Variants in CCKAR observed in about 807,000 individuals in gnomAD.
CCKAR encodes the protein cholecystokinin A receptor.
Under a neutral mutation model 29.8 loss-of-function variants are expected in CCKAR, and 21 were observed. That is an observed-to-expected ratio of 0.70 (90% confidence interval 0.50 to 1.01). CCKAR has a LOEUF of 1.01. Among genes scored for constraint, CCKAR ranks in the 50% least tolerant of loss-of-function variants. The pLI is 0.00. For synonymous variants in CCKAR, 238 were observed against 221.3 expected (o/e 1.08, Z -0.67); for missense variants, 570 against 560.6 (o/e 1.02, Z -0.17).
chr4:26,485,726 A>G lies in CCKAR; in HGVS notation c.537T>C (p.Tyr179=). The change falls in exon 3 of 5, where the codon TAT becomes TAC. Residue 179 remains tyrosine (Y), a synonymous_variant. Transcript: ENST00000295589. ...SFTIMTPYPI[Y]SNLVPFTKNN... is the part of the protein sequence containing the mutation. ...TTTTGGTAAAAGGCACCAAGTTGCT[A>G]TAAATGGGGTACGGAGTCATGATGG... is the stretch of plus-strand genomic sequence containing the variant. 6.2e-7 allele frequency: 1 copy of G among 1,614,200 alleles called. No homozygotes were observed. Among genetic ancestry groups the G allele is most frequent in the Non-Finnish European group, 8.5e-7 (1 of 1,180,022 alleles).
chr4:26,485,333 T>C (rs1737428082), intron 3 of CCKAR, among the ~76,000 whole-genome samples: 1 of 152,208 alleles, frequency 6.6e-6, no homozygotes, highest in African/African-American at 2.4e-5. Context: ...AGTTTGTGAA[T>C]TGGGAAACTT....
Position 26,490,146 on chromosome 4 carries a change from C to A in CCKAR, c.112+10G>T. ...TTTCCTGAATTAAAATAACAGCTTC[C>A]GACACTTACCTTTGGAAGGACGGGG... On this transcript the variant is annotated intron_variant, in intron 1 of 4. Coordinates refer to ENST00000295589, the MANE Select transcript of CCKAR (RefSeq NM_000730.3). The A allele has an allele frequency of 3.2e-6, 5 of 1,583,380 alleles. No individual in the cohort carries two copies. The highest frequency in any genetic ancestry group is 4.3e-6 in the Non-Finnish European group (5 of 1,152,872).
At chr4:26,485,052 G>T (rs1463135910) in intron 3 of CCKAR, among the ~76,000 whole-genome samples, 1 of 151,412 alleles carries the variant, frequency 6.6e-6, no homozygotes, top group Non-Finnish European at 1.5e-5. Flanking sequence ...AAATTAGCCG[G>T]GCATGGTGGT....
At position 26,481,940 on chromosome 4, in the gene CCKAR, TG is replaced by T. The variant is rs1436300604; in HGVS notation, c.984del (p.Ile329SerfsTer45). ...IVVLFFLCWM[P>X]IFSANAWRAY... is the part of the protein sequence containing the mutation. ...GCCCGCCAGGCGTTGGCGCTGAAGA[TG>T]GGCATCCAGCACAGGAAGAAGAGGA... is the stretch of plus-strand genomic sequence containing the variant. On this transcript the variant is annotated frameshift_variant, in exon 5 of 5. Coordinates refer to ENST00000295589, the MANE Select transcript of CCKAR (RefSeq NM_000730.3). LOFTEE classifies it high-confidence loss of function. 6.2e-7 allele frequency: 1 copy of T among 1,614,218 alleles called. No individual in the cohort carries two copies. Among genetic ancestry groups the T allele is most frequent in the Non-Finnish European group, 8.5e-7 (1 of 1,180,030 alleles).
chr4:26,489,151 G>A (rs949307306), intron 2 of CCKAR, 82 bp downstream of exon 2: 7 of 1,558,654 alleles, frequency 4.5e-6, no homozygotes, highest in Non-Finnish European at 4.4e-6. Flanking sequence ...CTCCTTTGCT[G>A]TGATTGTCAG....
At position 26,481,753 on chromosome 4, in the gene CCKAR, G is replaced by C; in HGVS notation, c.1172C>G (p.Pro391Arg). 1 of 1,614,178 alleles carries C rather than the reference G, an allele frequency of 6.2e-7. No homozygotes were observed. The highest frequency in any genetic ancestry group is 8.5e-7 in the Non-Finnish European group (1 of 1,180,018). ...CTCTCCCCTCGCCCCTGGGGGACCAGGATTGGGGCAGCAGGGGAAGGTGGC... is the reference window on the plus strand; with the variant it reads ...CTCTCCCCTCGCCCCTGGGGGACCACGATTGGGGCAGCAGGGGAAGGTGGC... Reference protein sequence around the residue: ...FMATFPCCPNPGPPGARGEVG... With the variant: ...FMATFPCCPNRGPPGARGEVG... Residue 391 changes from proline (P) to arginine (R), a missense_variant, in exon 5 of 5, where the codon CCT becomes CGT. Transcript: ENST00000295589.
At chr4:26,485,429 T>G (rs1737430318) in intron 3 of CCKAR, among the ~76,000 whole-genome samples, 1 of 152,114 alleles carries the variant, frequency 6.6e-6, no homozygotes, top group Non-Finnish European at 1.5e-5. Context: ...GAGGATTGAT[T>G]GAATGAATAT....
intron 3 of CCKAR, among the ~76,000 whole-genome samples, chr4:26,484,952 G>C (rs1398641791): frequency 6.6e-6 from 1 of 151,790 alleles, no homozygotes; most frequent in Non-Finnish European, 1.5e-5. Flanking sequence ...AGTACTTTGG[G>C]AGGTCGAGGC....
chr4:26,487,748 G>A (rs1459295366), intron 2 of CCKAR, among the ~76,000 whole-genome samples: 2 of 152,094 alleles, frequency 1.3e-5, no homozygotes, highest in African/African-American at 2.4e-5. Context: ...CACTCACAAT[G>A]TTTTGCCACC....
intron 3 of CCKAR, among the ~76,000 whole-genome samples, chr4:26,485,210 G>T (rs200682996): frequency 1.2e-4 from 17 of 145,308 alleles, no homozygotes; most frequent in Non-Finnish European, 2.4e-4. Flanking sequence ...AAAAAAAAAA[G>T]AAAGAAAAAG....
Position 26,490,348 on chromosome 4 carries a change from T to C in CCKAR, c.-81A>G, listed in dbSNP as rs1331171640. The C allele has an allele frequency of 1.1e-6, 1 of 938,318 alleles. No homozygotes were observed. The highest frequency in any genetic ancestry group is 1.7e-6 in the Non-Finnish European group (1 of 580,920). The allele number at this position is 938,318 out of a possible 1,614,324, so 58.1% of individuals were successfully genotyped here. On this transcript the variant is annotated 5_prime_UTR_variant, in exon 1 of 5. Coordinates refer to ENST00000295589, the MANE Select transcript of CCKAR (RefSeq NM_000730.3). ...GCTCATTCCTCTAATGACCGAAGCG[T>C]CTCGCAGATGCAACCTGCCGTGGAG... is the stretch of plus-strand genomic sequence containing the variant.
At position 26,484,297 on chromosome 4, in the gene CCKAR, C is replaced by T. The variant is rs528741899; in HGVS notation, c.627-1014G>A. 1.4e-4 allele frequency among the ~76,000 whole-genome samples: 21 copies of T among 152,188 alleles called. No individual in the cohort carries two copies. In the East Asian group the frequency reaches 2.3e-3, roughly 17 times the overall value. On this transcript the variant is annotated intron_variant, in intron 3 of 4. Coordinates refer to ENST00000295589, the MANE Select transcript of CCKAR (RefSeq NM_000730.3). ...TTGGAAATATTCCTCTCATTTGCAA[C>T]GTAATTCCTTTGTGTGTGTGCTACT...
rs760416351 is a variant in CCKAR at position 26,481,589 on chromosome 4, C to G, written c.*49G>C. The G allele has an allele frequency of 2.5e-6, 4 of 1,595,926 alleles. No homozygotes were observed. The highest frequency in any genetic ancestry group is 3.4e-6 in the Non-Finnish European group (4 of 1,164,458). ...CTGATCTCTTCTTCCGTTCTTTCTTCTCTGCCTCCTCCCTGCCTTCCTTCT... is the reference window on the plus strand; with the variant it reads ...CTGATCTCTTCTTCCGTTCTTTCTTGTCTGCCTCCTCCCTGCCTTCCTTCT... On this transcript the variant is annotated 3_prime_UTR_variant, in exon 5 of 5. Transcript: ENST00000295589.
At chr4:26,482,347 A>G (rs187218303) in intron 4 of CCKAR, among the ~76,000 whole-genome samples, 177 bp from the exon 5 acceptor site, 1 of 152,330 alleles carries the variant, frequency 6.6e-6, no homozygotes, top group East Asian at 1.9e-4. Context: ...CTTCCCTTCA[A>G]TGAAATGCTG....
At position 26,487,806 on chromosome 4, in the gene CCKAR, TC is replaced by T. The variant is rs1737477578; in HGVS notation, c.364+1426del. Among the ~76,000 whole-genome samples the T allele has an allele frequency of 2.0e-5, 3 of 152,208 alleles. No individual in the cohort carries two copies. The South Asian group carries it at 6.2e-4, about 31-fold the overall frequency. ...TCGGTTCACATTCTCTGGTTAAGGT[TC>T]CCAAATAGTATTACCATAAGATATA... On this transcript the variant is annotated intron_variant, in intron 2 of 4. Transcript: ENST00000295589.
chr4:26,486,842 A>G (rs1277603295), intron 2 of CCKAR, among the ~76,000 whole-genome samples: 3 of 152,194 alleles, frequency 2.0e-5, no homozygotes, highest in African/African-American at 7.2e-5. Context: ...GGAATCTGGG[A>G]GGCCAAGGTT....
At position 26,489,404 on chromosome 4, in the gene CCKAR, C is replaced by T. The variant is rs200541454; in HGVS notation, c.193G>A (p.Val65Met). 5.0e-6 allele frequency: 8 copies of T among 1,614,130 alleles called. No homozygotes were observed. The highest frequency in any genetic ancestry group is 2.7e-5 in the African/African-American group (2 of 75,038). The change falls in exon 2 of 5, where the codon GTG becomes ATG. Residue 65 changes from valine (V) to methionine (M), a missense_variant. Coordinates refer to ENST00000295589, the MANE Select transcript of CCKAR (RefSeq NM_000730.3). ...SVLGNTLVIT[V>M]LIRNKRMRTV... ...CGCATCCGCTTGTTCCGAATCAGCA[C>T]GGTGATGACCAGCGTGTTTCCCAGC...
rs79754979 is a variant in CCKAR at position 26,485,705 on chromosome 4, G to C, written c.558C>G (p.Thr186=). ...TATTCGCGGTCTGGTTGTTATTTTT[G>C]GTAAAAGGCACCAAGTTGCTATAAA... The part of the protein sequence containing the change: ...YPIYSNLVPF[T]KNNNQTANMC... The change falls in exon 3 of 5, where the codon ACC becomes ACG. Residue 186 remains threonine (T), a synonymous_variant. Transcript: ENST00000295589. 281 of 1,614,124 alleles carry C rather than the reference G, an allele frequency of 1.7e-4. 1 individual carries two copies. In the East Asian group the frequency reaches 6.2e-3, roughly 35 times the overall value.
At chr4:26,484,566 C>A (rs1170708504) in intron 3 of CCKAR, among the ~76,000 whole-genome samples, 1 of 152,110 alleles carries the variant, frequency 6.6e-6, no homozygotes, top group Admixed American at 6.5e-5. Context: ...AGATAAGGAA[C>A]CTGACGTTCA....
Sources: gnomAD v4.1 joint callset for allele counts (sites outside exome capture counted in the v4.1 genomes callset) on GRCh38, gnomAD v4.1.1 for gene constraint, MANE v1.5 for transcripts, NCBI Gene and HGNC (gene_info 2026-07-23, HGNC 2026-07-21) for gene names.